Variants in DUOX2 observed in about 807,000 individuals in gnomAD.
DUOX2 encodes the protein dual oxidase 2, also known as NADH/NADPH thyroid oxidase p138-tox.
In DUOX2, 185 loss-of-function variants were observed where a neutral mutation model predicts 183.3. The ratio of observed to expected loss-of-function variants is 1.01; its 90% confidence interval spans 0.90 to 1.14. The LOEUF is 1.14. Ranked by LOEUF, DUOX2 falls within the 50% of genes most tolerant of loss-of-function variation. DUOX2 has a pLI of 0.00. For synonymous variants in DUOX2, 788 were observed against 812.4 expected (o/e 0.97, Z 0.51); for missense variants, 1,999 against 2,022.9 (o/e 0.99, Z 0.23).
At chr15:45,112,853 A>C in intron 3 of DUOX2, 134 bp downstream of exon 3, 1 of 1,546,946 alleles carries the variant, frequency 6.5e-7, no homozygotes, top group Non-Finnish European at 8.9e-7. Context: ...TGGCCCCGGG[A>C]GCGCATAAGA....
chr15:45,098,140 T>G, intron 26 of DUOX2, 82 bp from the exon 27 acceptor site: 1 of 1,380,042 alleles, frequency 7.2e-7, no homozygotes, highest in Non-Finnish European at 1.0e-6. Context: ...ACTCCTTTCC[T>G]GCTGGCCCTG....
chr15:45,094,348 A>T (rs1893843958), intron 33 of DUOX2, 76 bp from the exon 34 acceptor site: 1 of 1,605,524 alleles, frequency 6.2e-7, no homozygotes, highest in Admixed American at 1.7e-5. Context: ...CTGCTTCCTG[A>T]GCCTGGCTGG....
chr15:45,094,377 C>T (rs1893844571), intron 33 of DUOX2, 105 bp from the exon 34 acceptor site: 6 of 1,578,848 alleles, frequency 3.8e-6, no homozygotes, highest in South Asian at 1.1e-5. Flanking sequence ...AGGCTTCAAG[C>T]CCAGGCCTTG....
In DUOX2 at chr15:45,094,257, C is replaced by A. The variant is rs370582936; in HGVS notation, c.4540G>T (p.Val1514Leu). The A allele has an allele frequency of 5.6e-6, 9 of 1,614,158 alleles. No homozygotes were observed. Among genetic ancestry groups the A allele is most frequent in the Non-Finnish European group, 7.6e-6 (9 of 1,180,024 alleles). Residue 1514 changes from valine to leucine, a missense_variant, in exon 34 of 34, where the codon GTG (valine) becomes TTG (leucine). This residue lies in a region of DUOX2 where 1,628 missense variants were observed against 1,608.6 expected (regional missense o/e 1.01). Coordinates refer to ENST00000389039, the MANE Select transcript of DUOX2 (RefSeq NM_001363711.2). The stretch of plus-strand genomic sequence containing the variant: ...ATTCCTGGAGGGCCGCAGCTGAACA[C>A]CCCGATCTTGCGCACCTGTCAGGAG... ...EVHPQVRKIG[V>L]FSCGPPGMTK...
At chr15:45,101,139 T>A (rs753905584) in intron 22 of DUOX2, 66 bp downstream of exon 22, 43 of 1,439,638 alleles carry the variant, frequency 3.0e-5, no homozygotes, top group Non-Finnish European at 3.9e-5. Context: ...CAGCCAGTCC[T>A]ACTCCCTTCA....
intron 9 of DUOX2, 22 bp downstream of exon 9, chr15:45,110,404 CCT>C (rs1203113124): frequency 6.2e-7 from 1 of 1,602,780 alleles, no homozygotes; most frequent in Admixed American, 1.7e-5. Flanking sequence ...GTGTGGTGCC[CCT>C]CTCTGCCAAC....
At position 45,094,947 on chromosome 15, in the gene DUOX2, T is replaced by A. The variant is rs1365541036; in HGVS notation, c.4384A>T (p.Thr1462Ser). Residue 1462 changes from threonine to serine, a missense_variant, in exon 32 of 34, where the codon ACC becomes TCC. By Grantham distance (58) the Thr-to-Ser change is moderately conservative. Coordinates refer to ENST00000389039, the MANE Select transcript of DUOX2 (RefSeq NM_001363711.2). ...GGGCCCTGACATACTAGCATGGTGG[T>A]CCTGAGGTCGAACTTCTCAGCCAGC... ...TQLAEKFDLR[T>S]TMLYICERHF... 1.2e-6 allele frequency: 2 copies of A among 1,614,032 alleles called. No individual in the cohort carries two copies. Among genetic ancestry groups the A allele is most frequent in the South Asian group, 2.2e-5 (2 of 91,076 alleles).
rs1175759527 is a variant in DUOX2 at position 45,106,951 on chromosome 15, G to A, written c.1712C>T (p.Pro571Leu). 1 of 1,578,276 alleles carries A rather than the reference G, an allele frequency of 6.3e-7. No individual in the cohort carries two copies. Among genetic ancestry groups the A allele is most frequent in the South Asian group, 1.2e-5 (1 of 85,892 alleles). Residue 571 changes from proline (P) to leucine (L), a missense_variant, in exon 15 of 34, where the codon CCT becomes CTT. Pro to Leu is a moderately conservative substitution (Grantham distance 98). Coordinates refer to ENST00000389039, the MANE Select transcript of DUOX2 (RefSeq NM_001363711.2). ...CAGGCCGTCAGTTGTGAGCTGCTTA[G>A]GTTGAGGGCAGGGTGCACCTGAGGG... ...VWHKGAPCPQPKQLTTDGLPQ... is the reference protein window; with the variant it reads ...VWHKGAPCPQLKQLTTDGLPQ...
Position 45,110,692 on chromosome 15 carries a change from A to G in DUOX2, c.901T>C (p.Trp301Arg). 6.2e-7 allele frequency: 1 copy of G among 1,612,278 alleles called. No homozygotes were observed. The highest frequency in any genetic ancestry group is 1.3e-5 in the African/African-American group (1 of 74,930). ...ATYQNIAVYEWLPSFLQKTLP... is the reference protein window; with the variant it reads ...ATYQNIAVYERLPSFLQKTLP... ...GTTTTCTGCAGGAAGCTGGGCAGCC[A>G]CTCATACACAGCGATGTTCTGAGGG... is the stretch of plus-strand genomic sequence containing the variant. Residue 301 changes from tryptophan (W) to arginine (R), a missense_variant, in exon 8 of 34, where the codon TGG (tryptophan) becomes CGG (arginine). Physicochemically the swap from Trp to Arg is moderately radical, Grantham distance 101. Transcript: ENST00000389039.
At position 45,095,862 on chromosome 15, in the gene DUOX2, G is replaced by C. The variant is rs768030115; in HGVS notation, c.4046C>G (p.Ser1349Cys). The C allele has an allele frequency of 1.6e-5, 26 of 1,613,968 alleles. No individual in the cohort carries two copies. In the East Asian group the frequency reaches 5.3e-4, roughly 33 times the overall value. The change falls in exon 30 of 34, where the codon TCC becomes TGC. Residue 1349 changes from serine to cysteine, a missense_variant. Ser to Cys is a moderately radical substitution (Grantham distance 112, BLOSUM62 -1). This residue lies in a region of DUOX2 where 1,628 missense variants were observed against 1,608.6 expected (regional missense o/e 1.01). Coordinates refer to ENST00000389039, the MANE Select transcript of DUOX2 (RefSeq NM_001363711.2). ...TCCAGCACAGCCATTGCCCTTTGGGGATGAGTAGATCTCCCTGAGGCGAGT... is the reference window on the plus strand; with the variant it reads ...TCCAGCACAGCCATTGCCCTTTGGGCATGAGTAGATCTCCCTGAGGCGAGT... ...WTTRLREIYS[S>C]PKGNGCAGYP... is the part of the protein sequence containing the mutation.
chr15:45,099,669 G>A lies in DUOX2; in HGVS notation c.3408C>T (p.Val1136=). Residue 1136 remains valine (V), a synonymous_variant, in exon 25 of 34, where the codon GTC becomes GTT. Transcript: ENST00000389039. The part of the protein sequence containing the change: ...FHRWIAMAAV[V]LAILHSAGHA... ...AGCCTGGGAGTCACGTACTGGCCAG[G>A]ACAACAGCAGCCATGGCGATCCAGC... The A allele has an allele frequency of 6.2e-7, 1 of 1,614,192 alleles. No individual in the cohort carries two copies. The highest frequency in any genetic ancestry group is 8.5e-7 in the Non-Finnish European group (1 of 1,180,042).
chr15:45,110,488 T>C lies in DUOX2; in HGVS notation c.980A>G (p.Glu327Gly). 6.2e-7 allele frequency: 1 copy of C among 1,614,006 alleles called. No individual in the cohort carries two copies. Among genetic ancestry groups the C allele is most frequent in the Non-Finnish European group, 8.5e-7 (1 of 1,179,986 alleles). ...RPFLDPSISPEFVVASEQFFS... is the reference protein window; with the variant it reads ...RPFLDPSISPGFVVASEQFFS... ...GAACTGCTCAGAGGCCACCACAAAT[T>C]CCGGGGAGATGCTGGGGTCTAGGAA... Residue 327 changes from glutamate to glycine, a missense_variant, in exon 9 of 34, where the codon GAA (glutamate) becomes GGA (glycine). Physicochemically the swap from Glu to Gly is moderately conservative, Grantham distance 98 (BLOSUM62 -2). Coordinates refer to ENST00000389039, the MANE Select transcript of DUOX2 (RefSeq NM_001363711.2).
chr15:45,113,575 A>T, intron 1 of DUOX2, 150 bp from the exon 2 acceptor site: 2 of 673,898 alleles, frequency 3.0e-6, no homozygotes, highest in Non-Finnish European at 5.3e-6. Flanking sequence ...AGCATCACCG[A>T]GGACCTTCAT....
chr15:45,101,870 T>A lies in DUOX2; in HGVS notation c.2774A>T (p.His925Leu), dbSNP rs915119497. The A allele has an allele frequency of 7.4e-6, 12 of 1,614,192 alleles. No homozygotes were observed. Among genetic ancestry groups the A allele is most frequent in the Admixed American group, 5.0e-5 (3 of 60,024 alleles). The part of the protein sequence containing the change: ...DKEELTWEDF[H>L]FMLRDHDSEL... ...GCTGTCATGGTCCCGCAGCATGAAG[T>A]GAAAATCCTCCCATGTCAGCTCCTC... Residue 925 changes from histidine (H) to leucine (L), a missense_variant, in exon 21 of 34, where the codon CAC becomes CTC. Coordinates refer to ENST00000389039, the MANE Select transcript of DUOX2 (RefSeq NM_001363711.2).
At chr15:45,095,180 A>C (rs1257282482) in intron 31 of DUOX2, 89 bp from the exon 32 acceptor site, 1 of 1,520,508 alleles carries the variant, frequency 6.6e-7, no homozygotes, top group Admixed American at 2.0e-5. Flanking sequence ...GGGAAGCCCC[A>C]GACCACCTGC....
rs2141157119 is a variant in DUOX2 at position 45,111,210 on chromosome 15, G to C, written c.783C>G (p.Tyr261Ter). 7.8e-7 allele frequency: 1 copy of C among 1,276,924 alleles called. No homozygotes were observed. Among genetic ancestry groups the C allele is most frequent in the East Asian group, 2.5e-5 (1 of 39,314 alleles). The allele number at this position is 1,276,924 out of a possible 1,614,324, so 79.1% of individuals were successfully genotyped here. The stretch of plus-strand genomic sequence containing the variant: ...CCAGCCTCTGCGCCCACAGGTTGTG[G>C]TAGCGGAACCAGAGCAGGCCCAGCG... ...LQALGLLWFR[Y>*]HNLWAQRLAR... The change falls in exon 7 of 34, where the codon TAC becomes TAG. Residue 261 changes from tyrosine to a stop codon, truncating the protein, a stop_gained. Transcript: ENST00000389039. LOFTEE classifies it high-confidence loss of function.
Position 45,111,590 on chromosome 15 carries a change from G to A in DUOX2, c.514-5C>T. 1 of 1,532,568 alleles carries A rather than the reference G, an allele frequency of 6.5e-7. No homozygotes were observed. The highest frequency in any genetic ancestry group is 8.7e-7 in the Non-Finnish European group (1 of 1,144,802). The allele number at this position is 1,532,568 out of a possible 1,614,324, so 94.9% of individuals were successfully genotyped here. A position where few individuals can be genotyped will look rare whatever the true frequency, so the allele number is the denominator to read the frequency against. ...CCAGCCCGTCACCTGGTTGGCCTGC[G>A]GGGCACGCGGCGGGTGAGCCCGGGT... is the stretch of plus-strand genomic sequence containing the variant. On this transcript the variant is annotated splice_region_variant and splice_polypyrimidine_tract_variant and intron_variant, in intron 5 of 33. Coordinates refer to ENST00000389039, the MANE Select transcript of DUOX2 (RefSeq NM_001363711.2).
intron 18 of DUOX2, among the ~76,000 whole-genome samples, chr15:45,104,913 C>G (rs544663255): frequency 2.0e-5 from 3 of 152,274 alleles, no homozygotes; most frequent in Non-Finnish European, 4.4e-5. Flanking sequence ...CTCCGCCACC[C>G]GGGTTCAAGC....
At position 45,097,279 on chromosome 15, in the gene DUOX2, T is replaced by G; in HGVS notation, c.3806A>C (p.Lys1269Thr). Residue 1269 changes from lysine (K) to threonine (T), a missense_variant, in exon 29 of 34, where the codon AAG becomes ACG. Lys to Thr is a moderately conservative substitution (Grantham distance 78, BLOSUM62 -1). Around this residue, in one of 3 missense-constraint regions of DUOX2, gnomAD observed 1,628 missense variants for 1,608.6 expected, o/e 1.01. Coordinates refer to ENST00000389039, the MANE Select transcript of DUOX2 (RefSeq NM_001363711.2). Reference protein sequence around the residue: ...GDKLVSLSRKKVEISVVKAEL... With the variant: ...GDKLVSLSRKTVEISVVKAEL... ...CGCCTTCACCACGCTGATCTCCACC[T>G]TCTTCCGGCTCAGGCTCACCAGCTT... 6.2e-7 allele frequency: 1 copy of G among 1,614,228 alleles called. No individual in the cohort carries two copies. The highest frequency in any genetic ancestry group is 8.5e-7 in the Non-Finnish European group (1 of 1,180,042).
Sources: gnomAD v4.1 joint callset for allele counts (sites outside exome capture counted in the v4.1 genomes callset) on GRCh38, gnomAD v4.1.1 for gene constraint, gnomAD v4.1.1 regional missense constraint, MANE v1.5 for transcripts, NCBI Gene and HGNC (gene_info 2026-07-23, HGNC 2026-07-21) for gene names.